ICA1: variants seen among roughly 807,000 people sequenced by gnomAD.
The protein encoded by ICA1 is 69 kDa islet cell autoantigen.
A neutral mutation model predicts 71.0 loss-of-function variants in ICA1; 40 were observed. The ratio of observed to expected loss-of-function variants is 0.56; its 90% CI spans 0.44 to 0.73. ICA1 has a LOEUF of 0.73. Among genes scored for constraint, ICA1 ranks in the 30% least tolerant of loss-of-function variants. The probability of loss-of-function intolerance (pLI) is 0.00; values close to 1 mark genes in which losing one functional copy is unlikely to be tolerated. For synonymous variants in ICA1, 207 were observed against 209.5 expected (o/e 0.99, Z 0.10); for missense variants, 578 against 576.5 (o/e 1.00, Z -0.03).
chr7:8,152,578 T>C (rs1479705585), intron 8 of ICA1, among the ~76,000 whole-genome samples: 6 of 134,092 alleles, frequency 4.5e-5, no homozygotes, highest in South Asian at 2.5e-4. Context: ...ACCACCACCA[T>C]CTCCTTCACC....
chr7:8,129,376 T>TAA (rs1166692977), intron 12 of ICA1, among the ~76,000 whole-genome samples: 153 of 142,148 alleles, frequency 1.1e-3, no homozygotes, highest in African/African-American at 4.0e-3. Context: ...GCTTTTTTTT[T>TAA]AAAAAAAAAA....
chr7:8,120,598 A>G (rs956329107), intron 13 of ICA1, among the ~76,000 whole-genome samples: 13 of 152,202 alleles, frequency 8.5e-5, no homozygotes, highest in African/African-American at 3.1e-4. Context: ...ATCTCAGAGT[A>G]GTTCTGTCAG....
chr7:8,188,677 G>A (rs1784615265), intron 6 of ICA1, among the ~76,000 whole-genome samples: 1 of 152,154 alleles, frequency 6.6e-6, no homozygotes, highest in African/African-American at 2.4e-5. Context: ...GGGAGGTAAG[G>A]AATATTTTAA....
At chr7:8,224,867 C>G (rs1312200732) in intron 4 of ICA1, among the ~76,000 whole-genome samples, 1 of 152,110 alleles carries the variant, frequency 6.6e-6, no homozygotes, top group African/African-American at 2.4e-5. Flanking sequence ...TTTGGTTTGT[C>G]TGATTTCTCA....
At chr7:8,170,930 G>A (rs1562816148) in intron 6 of ICA1, among the ~76,000 whole-genome samples, 1 of 151,856 alleles carries the variant, frequency 6.6e-6, no homozygotes, top group Non-Finnish European at 1.5e-5. Context: ...CATATTTAAA[G>A]TGTACAATTA....
At chr7:8,152,630 TACCACCATCTCCTCCACCACCACC>T (rs1584608230) in intron 8 of ICA1, among the ~76,000 whole-genome samples, 2 of 78,868 alleles carry the variant, frequency 2.5e-5, no homozygotes, top group Non-Finnish European at 5.4e-5. Flanking sequence ...CTTCCACCAC[TACCACCATCTCCTCCACCACCACC>T]ACCACCACCA....
chr7:8,191,407 G>A lies in ICA1; in HGVS notation c.579+26898C>T, dbSNP rs547634527. Among the ~76,000 whole-genome samples, 58 of 152,282 alleles carry A rather than the reference G, an allele frequency of 3.8e-4. 1 individual carries two copies. Among genetic ancestry groups the A allele is most frequent in the Admixed American group, 6.5e-5 (1 of 15,302 alleles). On this transcript the variant is annotated intron_variant, in intron 6 of 13. Transcript: ENST00000402384. ...TCAGCAGAAACTGTACTTCAAGTAC[G>A]CAAACAACCACTCTGTTTTTCATTG...
rs572576068 is a variant in ICA1, at chr7:8,168,446, G to C, written c.580-9794C>G. 3.5e-4 allele frequency among the ~76,000 whole-genome samples: 54 copies of C among 152,162 alleles called. No homozygotes were observed. The East Asian group carries it at 0.01, about 29-fold the overall frequency. On this transcript the variant is annotated intron_variant, in intron 6 of 13. Coordinates refer to ENST00000402384, the MANE Select transcript of ICA1 (RefSeq NM_001136020.3). Reference sequence around the variant, plus strand: ...AAATAAATATCAGATCCAGACTCAGGTGTATTTGGTTGTATAATCCATGCT... The same window carrying C: ...AAATAAATATCAGATCCAGACTCAGCTGTATTTGGTTGTATAATCCATGCT...
chr7:8,152,593 CTACCCCCAG>C (rs1271147721), intron 8 of ICA1, among the ~76,000 whole-genome samples: 6 of 143,668 alleles, frequency 4.2e-5, no homozygotes, highest in South Asian at 4.3e-4. Flanking sequence ...TTCACCACCA[CTACCCCCAG>C]CACTACCACC....
chr7:8,117,990 C>A (rs1785322730), intron 13 of ICA1, among the ~76,000 whole-genome samples: 1 of 152,196 alleles, frequency 6.6e-6, no homozygotes, highest in Non-Finnish European at 1.5e-5. Context: ...TATTATTCAT[C>A]TTTATATCCT....
chr7:8,181,602 T>A (rs149898270), intron 6 of ICA1, among the ~76,000 whole-genome samples: 2 of 152,190 alleles, frequency 1.3e-5, no homozygotes, highest in Non-Finnish European at 2.9e-5. Flanking sequence ...TTCATAAATA[T>A]GGTACATTCC....
chr7:8,183,795 T>C (rs760568522), intron 6 of ICA1, among the ~76,000 whole-genome samples: 2 of 152,208 alleles, frequency 1.3e-5, no homozygotes, highest in Non-Finnish European at 2.9e-5. Context: ...TATGCCTCTC[T>C]GTAAGGGCAG....
chr7:8,238,366 G>T (rs541314614), intron 1 of ICA1, among the ~76,000 whole-genome samples: 1 of 152,042 alleles, frequency 6.6e-6, no homozygotes, highest in African/African-American at 2.4e-5. Flanking sequence ...CATGGTTTTG[G>T]TTTACAGTTC....
chr7:8,141,289 C>T (rs567556079), intron 10 of ICA1, among the ~76,000 whole-genome samples: 2 of 152,204 alleles, frequency 1.3e-5, no homozygotes, highest in Non-Finnish European at 2.9e-5. Flanking sequence ...GGTTGCTTGG[C>T]ACTGGCAGGC....
chr7:8,211,407 C>T (rs1039794114), intron 6 of ICA1, among the ~76,000 whole-genome samples: 5 of 152,100 alleles, frequency 3.3e-5, no homozygotes, highest in Non-Finnish European at 7.4e-5. Context: ...GTGGTTAATG[C>T]GTTTGGTAGT....
chr7:8,237,044 G>C (rs1473204220), intron 1 of ICA1: 4 of 152,228 alleles, frequency 2.6e-5, no homozygotes, highest in African/African-American at 9.7e-5. Flanking sequence ...ACAAAATTAC[G>C]ATGTGCAAAT....
intron 8 of ICA1, 186 bp downstream of exon 8, chr7:8,156,930 A>T (rs575652075): frequency 1.1e-5 from 12 of 1,072,058 alleles, no homozygotes; most frequent in Non-Finnish European, 1.3e-5. Flanking sequence ...CTGATGCAGT[A>T]AAAAAAAAAA....
intron 6 of ICA1, among the ~76,000 whole-genome samples, chr7:8,166,309 G>T (rs548895720): frequency 6.6e-6 from 1 of 152,220 alleles, no homozygotes; most frequent in South Asian, 2.1e-4. Flanking sequence ...TAGACCAGTG[G>T]AGCAGAATAG....
At chr7:8,159,289 T>C (rs1358139398) in intron 6 of ICA1, among the ~76,000 whole-genome samples, 1 of 152,202 alleles carries the variant, frequency 6.6e-6, no homozygotes, top group Non-Finnish European at 1.5e-5. Context: ...TAATCCTCCA[T>C]CGATCCTTAA....
Sources: gnomAD v4.1 joint callset for allele counts (sites outside exome capture counted in the v4.1 genomes callset) on GRCh38, gnomAD v4.1.1 for gene constraint, MANE v1.5 for transcripts, NCBI Gene and HGNC (gene_info 2026-07-23, HGNC 2026-07-21) for gene names.